Variants in MDGA2 observed in about 807,000 individuals in gnomAD.
The protein encoded by MDGA2 is MAM domain containing glycosylphosphatidylinositol anchor 2, also known as MAM domain-containing glycosylphosphatidylinositol anchor protein 2.
MDGA2 carries 40 observed loss-of-function variants against 117.8 expected under a neutral mutation model. The observed-to-expected ratio is 0.34, with a 90% confidence interval of 0.26 to 0.44. MDGA2 has a LOEUF of 0.44. Ranked by LOEUF, MDGA2 falls within the 20% of genes least tolerant of loss-of-function variation. MDGA2 has a pLI of 1.00. For missense variants in MDGA2, 1,123 were observed against 1,250.6 expected (o/e 0.90, Z 1.54); for synonymous variants, 452 against 439.0 (o/e 1.03, Z -0.37).
rs548394544 is a variant in MDGA2, at chr14:47,481,463, T to C, written c.281-179913A>G. Among the ~76,000 whole-genome samples, 6 of 152,108 alleles carry C rather than the reference T, an allele frequency of 3.9e-5. No individual in the cohort carries two copies. In the South Asian group the frequency reaches 6.2e-4, roughly 16 times the overall value. On this transcript the variant is annotated intron_variant, in intron 1 of 16. Coordinates refer to ENST00000399232, the MANE Select transcript of MDGA2 (RefSeq NM_001113498.3). Reference sequence around the variant, plus strand: ...AATAGCGAAGAGGAATGAGTTCTTATAGACACTAATATCCTGAACTGCTAA... The same window carrying C: ...AATAGCGAAGAGGAATGAGTTCTTACAGACACTAATATCCTGAACTGCTAA...
intron 1 of MDGA2, among the ~76,000 whole-genome samples, chr14:47,355,588 C>T (rs1890976456): frequency 6.6e-6 from 1 of 152,012 alleles, no homozygotes; most frequent in African/African-American, 2.4e-5. Flanking sequence ...GTGGGACCAC[C>T]CAGATCTCCC....
At chr14:46,930,041 A>G (rs544497872) in intron 9 of MDGA2, among the ~76,000 whole-genome samples, 16 of 152,090 alleles carry the variant, frequency 1.1e-4, no homozygotes, top group Admixed American at 4.6e-4. Flanking sequence ...GGAATTGACC[A>G]TGTCATTCCA....
rs1023550783 is a variant in MDGA2, at chr14:47,141,507, C to T, written c.792+2571G>A. On this transcript the variant is annotated intron_variant, in intron 4 of 16. Coordinates refer to ENST00000399232, the MANE Select transcript of MDGA2 (RefSeq NM_001113498.3). ...ATAAAATAATGAGTGTTTATTTTAC[C>T]TAATATAATGTTCTCCAGATCCACC... Among the ~76,000 whole-genome samples the T allele has an allele frequency of 9.9e-5, 15 of 152,156 alleles. No individual in the cohort carries two copies. The East Asian group carries it at 2.1e-3, about 22-fold the overall frequency.
chr14:47,455,254 C>T (rs1893324687), intron 1 of MDGA2, among the ~76,000 whole-genome samples: 1 of 152,014 alleles, frequency 6.6e-6, no homozygotes, highest in Admixed American at 6.6e-5. Context: ...GCCTATAATC[C>T]CAGCAATTTG....
intron 1 of MDGA2, among the ~76,000 whole-genome samples, chr14:47,428,221 G>C (rs139615313): frequency 1.3e-5 from 2 of 152,142 alleles, no homozygotes; most frequent in Admixed American, 1.3e-4. Context: ...AATGAATAAG[G>C]ATAATTACTC....
intron 1 of MDGA2, among the ~76,000 whole-genome samples, chr14:47,607,118 T>C (rs527655890): frequency 7.2e-5 from 11 of 152,226 alleles, no homozygotes; most frequent in Non-Finnish European, 1.0e-4. Flanking sequence ...TTATAAGATA[T>C]AAATACCCAA....
intron 1 of MDGA2, among the ~76,000 whole-genome samples, chr14:47,627,318 C>A (rs1163284422): frequency 4.8e-5 from 7 of 147,348 alleles, no homozygotes; most frequent in Non-Finnish European, 7.5e-5. Flanking sequence ...CGGCACTCTG[C>A]ATCTAGCTCA....
rs1222363391 is a variant in MDGA2 at position 47,560,106 on chromosome 14, C to T, written c.280+114411G>A. ...TTTTTTAGACGGAGTCTCGTTCTGTCGCCCAGCCTGGAGTGCAGTGGTGCT... is the reference window on the plus strand; with the variant it reads ...TTTTTTAGACGGAGTCTCGTTCTGTTGCCCAGCCTGGAGTGCAGTGGTGCT... On this transcript the variant is annotated intron_variant, in intron 1 of 16. Transcript: ENST00000399232. Among the ~76,000 whole-genome samples the T allele has an allele frequency of 3.3e-5, 5 of 151,284 alleles. No homozygotes were observed. In the East Asian group the frequency reaches 7.8e-4, roughly 24 times the overall value.
chr14:47,202,151 T>C (rs967319690), intron 3 of MDGA2, among the ~76,000 whole-genome samples: 2 of 152,212 alleles, frequency 1.3e-5, no homozygotes, highest in Non-Finnish European at 2.9e-5. Flanking sequence ...TAAACCTTTC[T>C]ATAGTTGTAA....
intron 1 of MDGA2, among the ~76,000 whole-genome samples, chr14:47,370,468 G>GTCTTTTTTTTTTTTT (rs1891322901): frequency 9.7e-5 from 2 of 20,682 alleles, no homozygotes; most frequent in Admixed American, 1.0e-3. Context: ...TCTACTTACT[G>GTCTTTTTTTTTTTTT]TTTTTTTTTT....
At chr14:47,239,157 T>C (rs1886959936) in intron 2 of MDGA2, among the ~76,000 whole-genome samples, 2 of 151,190 alleles carry the variant, frequency 1.3e-5, no homozygotes, top group Admixed American at 6.6e-5. Context: ...TCATGCTAGC[T>C]TGGGGGAAAC....
At chr14:47,628,885 C>T (rs1897202341) in intron 1 of MDGA2, among the ~76,000 whole-genome samples, 1 of 152,194 alleles carries the variant, frequency 6.6e-6, no homozygotes, top group Non-Finnish European at 1.5e-5. Flanking sequence ...ACTCATACTC[C>T]ACATATATAA....
At chr14:47,674,363 C>G (rs999420012) in intron 1 of MDGA2, among the ~76,000 whole-genome samples, 154 bp downstream of exon 1, 6 of 152,298 alleles carry the variant, frequency 3.9e-5, no homozygotes, top group African/African-American at 9.6e-5. Flanking sequence ...GCAGCGCGCT[C>G]GCTGCCTCTT....
intron 2 of MDGA2, among the ~76,000 whole-genome samples, chr14:47,219,153 T>A (rs1269951725): frequency 6.6e-6 from 1 of 152,100 alleles, no homozygotes; most frequent in East Asian, 1.9e-4. Context: ...CAAACACATA[T>A]GCTGTGACAT....
intron 10 of MDGA2, among the ~76,000 whole-genome samples, chr14:46,889,920 C>G (rs1882815871): frequency 6.6e-6 from 1 of 152,020 alleles, no homozygotes; most frequent in Non-Finnish European, 1.5e-5. Flanking sequence ...GTTGTAGATG[C>G]CTTTTATCAG....
intron 3 of MDGA2, among the ~76,000 whole-genome samples, 187 bp downstream of exon 3, chr14:47,217,834 T>C (rs940305744): frequency 1.7e-4 from 26 of 152,110 alleles, no homozygotes; most frequent in African/African-American, 6.3e-4. Flanking sequence ...TATTATATCA[T>C]AGAAGTTATG....
chr14:47,646,489 T>C (rs953808791), intron 1 of MDGA2, among the ~76,000 whole-genome samples: 1 of 152,130 alleles, frequency 6.6e-6, no homozygotes. Flanking sequence ...GAGTCTTTCT[T>C]CTCGGGTCTG....
chr14:47,671,073 G>A (rs892793935), intron 1 of MDGA2, among the ~76,000 whole-genome samples: 1 of 151,918 alleles, frequency 6.6e-6, no homozygotes, highest in Non-Finnish European at 1.5e-5. Context: ...ATCTGATATT[G>A]AAAATGTAAT....
Position 47,441,356 on chromosome 14 carries a change from T to C in MDGA2, c.281-139806A>G, listed in dbSNP as rs530724458. Among the ~76,000 whole-genome samples the C allele has an allele frequency of 6.6e-5, 10 of 152,234 alleles. No homozygotes were observed. The South Asian group carries it at 2.1e-3, about 32-fold the overall frequency. ...GGTGAGGTTTCAGGAACACAATGAATACCCGCTGGCTGGATTTCATTGACT... is the reference window on the plus strand; with the variant it reads ...GGTGAGGTTTCAGGAACACAATGAACACCCGCTGGCTGGATTTCATTGACT... On this transcript the variant is annotated intron_variant, in intron 1 of 16. Coordinates refer to ENST00000399232, the MANE Select transcript of MDGA2 (RefSeq NM_001113498.3).
Sources: allele counts gnomAD v4.1 joint callset (sites outside exome capture counted in the v4.1 genomes callset), GRCh38; gene constraint gnomAD v4.1.1; transcripts MANE v1.5; gene names NCBI Gene and HGNC (gene_info 2026-07-23, HGNC 2026-07-21).